INPP5B: variants seen among roughly 807,000 people sequenced by gnomAD.
INPP5B encodes type II inositol 1,4,5-trisphosphate 5-phosphatase.
INPP5B carries 90 observed loss-of-function variants against 118.5 expected under a neutral mutation model. That is an observed-to-expected ratio of 0.76 (90% CI 0.64 to 0.90). The LOEUF (loss-of-function observed/expected upper bound fraction) is 0.90. Among genes scored for constraint, INPP5B ranks in the 40% least tolerant of loss-of-function variants. INPP5B has a pLI of 0.00. For missense variants in INPP5B, 984 were observed against 1,125.6 expected (o/e 0.87, Z 1.80); for synonymous variants, 385 against 418.9 (o/e 0.92, Z 0.99).
chr1:37,904,702 AC>A, intron 7 of INPP5B, among the ~76,000 whole-genome samples: 1 of 151,868 alleles, frequency 6.6e-6, no homozygotes, highest in Non-Finnish European at 1.5e-5. Flanking sequence ...ACAAGGAGAA[AC>A]CCCATCTCTA....
chr1:37,909,969 C>CT lies in INPP5B; in HGVS notation c.533-18516dup, dbSNP rs147367562. On this transcript the variant is annotated intron_variant, in intron 7 of 23. Coordinates refer to ENST00000373024, the MANE Select transcript of INPP5B (RefSeq NM_005540.3). ...CACTGGGCCAAGGAATGCCTGCAGC[C>CT]TGGGATTCCTCCTAAGCCGTGTCCC... Among the ~76,000 whole-genome samples the CT allele has an allele frequency of 8.4e-3, 1,282 of 152,304 alleles. 10 individuals are homozygous for CT. Among genetic ancestry groups the CT allele is most frequent in the Middle Eastern group, 0.014 (4 of 294 alleles).
At position 37,931,982 on chromosome 1, in the gene INPP5B, C is replaced by G; in HGVS notation, c.463G>C (p.Glu155Gln). ...TTACAACCGCGCGGCGTTGGCATCTCCAGCTCCAGCTCTGCGCACCTATAC... is the reference window on the plus strand; with the variant it reads ...TTACAACCGCGCGGCGTTGGCATCTGCAGCTCCAGCTCTGCGCACCTATAC... ...SRYRCAELELEMPTPRGCNSA... is the reference protein window; with the variant it reads ...SRYRCAELELQMPTPRGCNSA... Residue 155 changes from glutamate (E) to glutamine (Q), a missense_variant, in exon 7 of 24, where the codon GAG becomes CAG. Coordinates refer to ENST00000373024, the MANE Select transcript of INPP5B (RefSeq NM_005540.3). 1 of 1,613,874 alleles carries G rather than the reference C, an allele frequency of 6.2e-7. No homozygotes were observed. The highest frequency in any genetic ancestry group is 8.5e-7 in the Non-Finnish European group (1 of 1,179,916).
chr1:37,931,291 C>A lies in INPP5B; in HGVS notation c.532+622G>T, dbSNP rs1645447092. On this transcript the variant is annotated intron_variant, in intron 7 of 23. Transcript: ENST00000373024. The stretch of plus-strand genomic sequence containing the variant: ...ACCCAAAGGAAGACTCTATCGTAGG[C>A]AGGGCACCACTCCCCCACCCGCCCC... The A allele has an allele frequency of 5.4e-5, 28 of 521,604 alleles. 2 individuals are homozygous for A. The highest frequency in any genetic ancestry group is 5.3e-4 in the South Asian group (27 of 51,028). The allele number at this position is 521,604 out of a possible 1,614,324, so 32.3% of individuals were successfully genotyped here. A position where few individuals can be genotyped will look rare whatever the true frequency, so the allele number is the denominator to read the frequency against.
intron 22 of INPP5B, among the ~76,000 whole-genome samples, chr1:37,865,294 A>G (rs1641961285): frequency 6.6e-6 from 1 of 152,230 alleles, no homozygotes; most frequent in Non-Finnish European, 1.5e-5. Context: ...TGAACCACCA[A>G]GCTAGATCAT....
chr1:37,914,224 C>T (rs761008542), intron 7 of INPP5B, among the ~76,000 whole-genome samples: 5 of 152,308 alleles, frequency 3.3e-5, no homozygotes, highest in African/African-American at 7.2e-5. Flanking sequence ...AAAATTAAAA[C>T]GGCAACCAGT....
intron 19 of INPP5B, among the ~76,000 whole-genome samples, chr1:37,872,536 C>G (rs548244371): frequency 6.6e-6 from 1 of 151,914 alleles, no homozygotes; most frequent in South Asian, 2.1e-4. Context: ...TTGCCACTAC[C>G]TACAGAAGAC....
Position 37,874,546 on chromosome 1 carries a change from C to T in INPP5B, c.1789-391G>A, listed in dbSNP as rs1372667646. On this transcript the variant is annotated intron_variant, in intron 17 of 23. Coordinates refer to ENST00000373024, the MANE Select transcript of INPP5B (RefSeq NM_005540.3). ...GCCACAGTGGCTCAGGCCCATAATC[C>T]TAGCAGTTTGGGAGGCCGAGACGGG... Among the ~76,000 whole-genome samples, 4 of 152,314 alleles carry T rather than the reference C, an allele frequency of 2.6e-5. 1 individual carries two copies. In the East Asian group the frequency reaches 5.8e-4, roughly 22 times the overall value.
In INPP5B at chr1:37,894,628, C is replaced by A. The variant is rs1643955868; in HGVS notation, c.533-3174G>T. Among the ~76,000 whole-genome samples, 7 of 149,478 alleles carry A rather than the reference C, an allele frequency of 4.7e-5. No individual in the cohort carries two copies. The South Asian group carries it at 1.5e-3, about 31-fold the overall frequency. On this transcript the variant is annotated intron_variant, in intron 7 of 23. Transcript: ENST00000373024. ...CCAGGCTGGAGTGCAGTGGCGCAAG[C>A]TTGGCTCTTTGCAACCTCTGCCTCC...
intron 5 of INPP5B, 51 bp from the exon 6 acceptor site, chr1:37,940,849 T>C: frequency 1.5e-6 from 2 of 1,293,334 alleles, no homozygotes; most frequent in East Asian, 2.3e-5. Flanking sequence ...AGCTAAGTGC[T>C]TGATGCAGCC....
chr1:37,876,298 G>C (rs1050190939), intron 16 of INPP5B, among the ~76,000 whole-genome samples: 1 of 151,352 alleles, frequency 6.6e-6, no homozygotes, highest in Admixed American at 6.6e-5. Context: ...GAGATGAGGG[G>C]TTTTGCCATG....
intron 8 of INPP5B, among the ~76,000 whole-genome samples, chr1:37,890,607 A>G (rs926997008): frequency 6.6e-6 from 1 of 152,170 alleles, no homozygotes; most frequent in East Asian, 1.9e-4. Context: ...TATTTATATA[A>G]TAACACACCT....
chr1:37,872,063 C>CA (rs34131982), intron 19 of INPP5B, among the ~76,000 whole-genome samples: 9,925 of 57,908 alleles, frequency 0.17, 1,377 homozygotes, highest in Non-Finnish European at 0.22. Flanking sequence ...GACTCCATCT[C>CA]AAAAAAAAAA....
At chr1:37,924,043 G>A (rs1645142861) in intron 7 of INPP5B, among the ~76,000 whole-genome samples, 1 of 152,078 alleles carries the variant, frequency 6.6e-6, no homozygotes, top group South Asian at 2.1e-4. Context: ...CTCCCAAAGT[G>A]CTGAGATTAC....
chr1:37,935,910 C>CA (rs1404677413), intron 6 of INPP5B, among the ~76,000 whole-genome samples: 2 of 151,844 alleles, frequency 1.3e-5, no homozygotes, highest in Non-Finnish European at 1.5e-5. Flanking sequence ...ATTAAAAATA[C>CA]AAAAAATTAG....
chr1:37,871,334 T>C (rs1042328104), intron 19 of INPP5B, among the ~76,000 whole-genome samples: 1 of 150,446 alleles, frequency 6.6e-6, no homozygotes, highest in African/African-American at 2.5e-5. Context: ...GGCGGGCACC[T>C]GTAATGCCAG....
chr1:37,934,699 A>G (rs1056861851), intron 6 of INPP5B, among the ~76,000 whole-genome samples: 1 of 152,130 alleles, frequency 6.6e-6, no homozygotes, highest in Non-Finnish European at 1.5e-5. Context: ...GTTGGTACAG[A>G]GTTTCTCTGC....
chr1:37,941,932 C>A (rs1391958811), intron 5 of INPP5B, among the ~76,000 whole-genome samples: 4 of 23,264 alleles, frequency 1.7e-4, no homozygotes. Context: ...AGCGAGACTC[C>A]GTCTCAAAAA....
At chr1:37,896,065 G>A (rs1314370524) in intron 7 of INPP5B, among the ~76,000 whole-genome samples, 2 of 151,370 alleles carry the variant, frequency 1.3e-5, no homozygotes, top group African/African-American at 2.4e-5. Context: ...TCTAGGAAGT[G>A]AGGAGCGCCT....
At chr1:37,914,180 A>AC (rs1481408771) in intron 7 of INPP5B, among the ~76,000 whole-genome samples, 1 of 152,060 alleles carries the variant, frequency 6.6e-6, no homozygotes, top group East Asian at 1.9e-4. Flanking sequence ...GACATAATCC[A>AC]CCCCTTGTTT....
Sources: gnomAD v4.1 joint callset for allele counts (sites outside exome capture counted in the v4.1 genomes callset) on GRCh38, gnomAD v4.1.1 for gene constraint, MANE v1.5 for transcripts, NCBI Gene and HGNC (gene_info 2026-07-23, HGNC 2026-07-21) for gene names.